The following ATP2B2 variants were observed in gnomAD, a reference collection of about 807,000 sequenced individuals.
ATP2B2 encodes ATPase plasma membrane Ca2+ transporting 2, also known as plasma membrane calcium-transporting ATPase 2.
In ATP2B2, 15 loss-of-function variants were observed where a neutral mutation model predicts 120.0. The observed-to-expected ratio is 0.12, with a 90% confidence interval of 0.08 to 0.19. The LOEUF (loss-of-function observed/expected upper bound fraction) is 0.19. ATP2B2 is among the 10% of genes least tolerant of loss of function. ATP2B2 has a pLI of 1.00. For missense variants in ATP2B2, 1,045 were observed against 1,719.8 expected, an observed-to-expected ratio of 0.61 and a Z score of 6.94; for synonymous variants, 694 against 700.3, an observed-to-expected ratio of 0.99 and a Z score of 0.14.
chr3:10,513,933 CAG>C (rs1241226257), intron 3 of ATP2B2, among the ~76,000 whole-genome samples: 1 of 152,156 alleles, frequency 6.6e-6, no homozygotes, highest in Non-Finnish European at 1.5e-5. Context: ...AGGAGGGATG[CAG>C]AGACGGAAGA....
chr3:10,616,096 C>G (rs985736849), intron 2 of ATP2B2, among the ~76,000 whole-genome samples: 1 of 152,190 alleles, frequency 6.6e-6, no homozygotes, highest in African/African-American at 2.4e-5. Context: ...AAGTTCAGTG[C>G]TCTGCAAAAT....
intron 2 of ATP2B2, among the ~76,000 whole-genome samples, chr3:10,611,870 G>A (rs1285486923): frequency 1.3e-5 from 2 of 152,162 alleles, no homozygotes; most frequent in South Asian, 2.1e-4. Flanking sequence ...TGTTAGATAG[G>A]AGAATGCATT....
At chr3:10,345,681 A>G (rs2060410679) in intron 17 of ATP2B2, 106 bp from the exon 18 acceptor site, 4 of 1,109,176 alleles carry the variant, frequency 3.6e-6, no homozygotes, top group Non-Finnish European at 5.3e-6. Flanking sequence ...CACAACTCCC[A>G]GTGGGCCCAG....
At chr3:10,620,882 C>A (rs2069526332) in intron 1 of ATP2B2, among the ~76,000 whole-genome samples, 1 of 152,172 alleles carries the variant, frequency 6.6e-6, no homozygotes, top group South Asian at 2.1e-4. Flanking sequence ...TGAGCAGATC[C>A]TGAGGGGCAA....
intron 22 of ATP2B2, among the ~76,000 whole-genome samples, chr3:10,334,768 T>C (rs1261902882): frequency 6.6e-6 from 1 of 152,180 alleles, no homozygotes; most frequent in Non-Finnish European, 1.5e-5. Context: ...CTGGAGGCAC[T>C]GAGGGAGGCG....
At chr3:10,520,181 C>G (rs34069475) in intron 3 of ATP2B2, among the ~76,000 whole-genome samples, 1 of 152,216 alleles carries the variant, frequency 6.6e-6, no homozygotes, top group Non-Finnish European at 1.5e-5. Flanking sequence ...TGTCCTTAGC[C>G]AGAAAATTAA....
intron 18 of ATP2B2, among the ~76,000 whole-genome samples, chr3:10,344,607 G>A (rs780978444): frequency 4.6e-5 from 7 of 152,174 alleles, no homozygotes; most frequent in Non-Finnish European, 1.0e-4. Flanking sequence ...CTGGGGCTAA[G>A]GGAGACCCAT....
chr3:10,652,300 G>A (rs77802478), intron 1 of ATP2B2, among the ~76,000 whole-genome samples: 3,563 of 152,268 alleles, frequency 0.023, 71 homozygotes, highest in South Asian at 0.086. Context: ...CCATTTTCAA[G>A]TGAAGTCCAC....
intron 2 of ATP2B2, among the ~76,000 whole-genome samples, chr3:10,540,661 T>A (rs1237373012): frequency 7.3e-6 from 1 of 137,454 alleles, no homozygotes; most frequent in South Asian, 2.3e-4. Flanking sequence ...TAGGTGGGAA[T>A]TGAACAATGA....
intron 3 of ATP2B2, among the ~76,000 whole-genome samples, chr3:10,515,319 C>T (rs910013014): frequency 6.6e-6 from 1 of 152,154 alleles, no homozygotes; most frequent in East Asian, 1.9e-4. Flanking sequence ...GTCTAGCTTG[C>T]TTTTTCATCT....
intron 2 of ATP2B2, among the ~76,000 whole-genome samples, chr3:10,582,811 C>G (rs1351975018): frequency 6.6e-6 from 1 of 152,204 alleles, no homozygotes; most frequent in Non-Finnish European, 1.5e-5. Flanking sequence ...GAGAAAGAGG[C>G]AGGTCAGACC....
chr3:10,601,804 G>A (rs2125593033), intron 2 of ATP2B2, among the ~76,000 whole-genome samples: 1 of 152,320 alleles, frequency 6.6e-6, no homozygotes, highest in Middle Eastern at 3.4e-3. Context: ...GGCCCAAATG[G>A]AGGCCCCTGG....
intron 2 of ATP2B2, among the ~76,000 whole-genome samples, chr3:10,534,615 G>C (rs1468600272): frequency 1.3e-5 from 2 of 152,220 alleles, no homozygotes; most frequent in African/African-American, 2.4e-5. Flanking sequence ...GGCAGAGGGG[G>C]TGTGAAAGAG....
At chr3:10,685,290 G>C (rs959101888) in intron 1 of ATP2B2, among the ~76,000 whole-genome samples, 1 of 152,170 alleles carries the variant, frequency 6.6e-6, no homozygotes, top group East Asian at 1.9e-4. Flanking sequence ...AAGTGTGCTC[G>C]CTGGGACCAG....
At chr3:10,660,907 G>A (rs1456950782) in intron 1 of ATP2B2, among the ~76,000 whole-genome samples, 2 of 152,198 alleles carry the variant, frequency 1.3e-5, no homozygotes, top group Non-Finnish European at 2.9e-5. Flanking sequence ...CCATGATCAA[G>A]TGGGCTTCAT....
At chr3:10,610,176 C>T (rs531738287) in intron 2 of ATP2B2, among the ~76,000 whole-genome samples, 14 of 148,708 alleles carry the variant, frequency 9.4e-5, no homozygotes, top group East Asian at 3.9e-4. Flanking sequence ...AAATATATAT[C>T]GTGTGTGTGT....
chr3:10,658,080 A>G (rs1251559971), intron 1 of ATP2B2, among the ~76,000 whole-genome samples: 1 of 152,242 alleles, frequency 6.6e-6, no homozygotes, highest in Non-Finnish European at 1.5e-5. Context: ...GGACATTCAC[A>G]CCAAAACCCC....
chr3:10,547,888 G>A (rs976390744), intron 2 of ATP2B2, among the ~76,000 whole-genome samples: 7 of 152,148 alleles, frequency 4.6e-5, no homozygotes, highest in Admixed American at 4.6e-4. Flanking sequence ...ATACTCACTG[G>A]GCATCCCAGC....
intron 1 of ATP2B2, among the ~76,000 whole-genome samples, chr3:10,673,480 C>T (rs2071165175): frequency 6.7e-6 from 1 of 149,994 alleles, no homozygotes; most frequent in Admixed American, 6.6e-5. Flanking sequence ...AACAGAGAGA[C>T]AGGAAGAGAG....
Sources: gnomAD v4.1 joint callset for allele counts (sites outside exome capture counted in the v4.1 genomes callset) on GRCh38, gnomAD v4.1.1 for gene constraint, MANE v1.5 for transcripts, NCBI Gene and HGNC (gene_info 2026-07-23, HGNC 2026-07-21) for gene names.